The following BIRC6 variants were observed in gnomAD, a reference collection of about 807,000 sequenced individuals.
The protein encoded by BIRC6 is baculoviral IAP repeat containing 6, also known as dual E2 ubiquitin-conjugating enzyme/E3 ubiquitin-protein ligase BIRC6.
In BIRC6, 98 loss-of-function variants were observed where a neutral mutation model predicts 503.3. That is an observed-to-expected ratio of 0.19 (90% CI 0.17 to 0.23). The LOEUF (loss-of-function observed/expected upper bound fraction) is 0.23. Among genes scored for constraint, BIRC6 ranks in the 10% least tolerant of loss-of-function variants. BIRC6 has a pLI of 1.00. For missense variants in BIRC6, 5,360 were observed against 5,806.0 expected (o/e 0.92, Z 2.50); for synonymous variants, 2,240 against 2,078.7 (o/e 1.08, Z -2.11).
chr2:32,415,244 T>C lies in BIRC6; in HGVS notation c.1953T>C (p.Asn651=), dbSNP rs1259916080. 1 of 1,613,954 alleles carries C rather than the reference T, an allele frequency of 6.2e-7. No individual in the cohort carries two copies. The highest frequency in any genetic ancestry group is 8.5e-7 in the Non-Finnish European group (1 of 1,179,846). Residue 651 remains asparagine (N), a synonymous_variant, in exon 10 of 74, where the codon AAT becomes AAC. Coordinates refer to ENST00000421745, the MANE Select transcript of BIRC6 (RefSeq NM_016252.4). ...GAAAGATCTTTTCACAGATGAACAA[T>C]ATTATGAGTAAAAGTTTGCATGATG... The part of the protein sequence containing the change: ...KAGKIFSQMN[N]IMSKSLHDDG...
chr2:32,587,124 T>TA (rs1449507584), intron 66 of BIRC6, among the ~76,000 whole-genome samples: 1 of 152,210 alleles, frequency 6.6e-6, no homozygotes, highest in Non-Finnish European at 1.5e-5. Context: ...CATTGTGGCT[T>TA]ACGCCTGTAA....
chr2:32,599,603 A>C (rs1385920486), intron 69 of BIRC6, 136 bp from the exon 70 acceptor site: 1 of 807,832 alleles, frequency 1.2e-6, no homozygotes, highest in Non-Finnish European at 1.9e-6. Context: ...GCGCCACTGC[A>C]CTCCAGCCTG....
chr2:32,527,184 A>T (rs2056343356), intron 59 of BIRC6: 1 of 152,240 alleles, frequency 6.6e-6, no homozygotes, highest in Non-Finnish European at 1.5e-5. Context: ...GTCCATGGTT[A>T]CTCTGACACA....
intron 61 of BIRC6, among the ~76,000 whole-genome samples, chr2:32,532,443 G>A (rs887920104): frequency 6.6e-6 from 1 of 151,976 alleles, no homozygotes; most frequent in Non-Finnish European, 1.5e-5. Context: ...TTCTGCCTAC[G>A]TCGTCATATG....
chr2:32,477,956 A>G (rs965327833), intron 35 of BIRC6, among the ~76,000 whole-genome samples: 5 of 152,152 alleles, frequency 3.3e-5, no homozygotes, highest in African/African-American at 1.2e-4. Flanking sequence ...AGGGTTTGAA[A>G]TGTAAGTAAT....
chr2:32,507,190 G>C (rs139599617), intron 50 of BIRC6, among the ~76,000 whole-genome samples: 2,502 of 152,272 alleles, frequency 0.016, 53 homozygotes, highest in African/African-American at 0.058. Flanking sequence ...AGCACTTTGG[G>C]AGGCTGCGGC....
At chr2:32,387,384 T>C (rs1323085825) in intron 3 of BIRC6, among the ~76,000 whole-genome samples, 1 of 151,864 alleles carries the variant, frequency 6.6e-6, no homozygotes, top group Non-Finnish European at 1.5e-5. Flanking sequence ...AATAATAATT[T>C]ACTAGGCTGC....
chr2:32,469,586 G>C lies in BIRC6; in HGVS notation c.6319G>C (p.Glu2107Gln). The part of the protein sequence containing the change: ...SNVLQELYNS[E>Q]QLLIFPQDRV... ...TGTCCTTCAGGAATTGTACAATTCG[G>C]AACAGCTTCTCATCTTTCCACAGGA... The change falls in exon 30 of 74, where the codon GAA becomes CAA. Residue 2107 changes from glutamate to glutamine, a missense_variant. This residue lies in a region of BIRC6 where 2,299 missense variants were observed against 2,267.2 expected (regional missense o/e 1.01). Coordinates refer to ENST00000421745, the MANE Select transcript of BIRC6 (RefSeq NM_016252.4). 1 of 1,613,640 alleles carries C rather than the reference G, an allele frequency of 6.2e-7. No individual in the cohort carries two copies. Among genetic ancestry groups the C allele is most frequent in the Non-Finnish European group, 8.5e-7 (1 of 1,179,640 alleles).
intron 62 of BIRC6, 32 bp from the exon 63 acceptor site, chr2:32,545,611 T>G: frequency 1.3e-6 from 2 of 1,558,172 alleles, no homozygotes; most frequent in Non-Finnish European, 1.8e-6. Context: ...TAACTGTTTT[T>G]AATCTTGAGT....
intron 65 of BIRC6, among the ~76,000 whole-genome samples, chr2:32,567,346 G>A (rs2059606332): frequency 1.3e-5 from 2 of 152,158 alleles, no homozygotes; most frequent in East Asian, 3.8e-4. Context: ...TTCCTGGCTT[G>A]TATTTATAAA....
chr2:32,450,435 C>G (rs1047632757), intron 22 of BIRC6, among the ~76,000 whole-genome samples: 1 of 151,928 alleles, frequency 6.6e-6, no homozygotes, highest in East Asian at 1.9e-4. Flanking sequence ...GCACTCCAGC[C>G]CGGGCGAAAG....
At chr2:32,547,328 A>G (rs1236152443) in intron 63 of BIRC6, among the ~76,000 whole-genome samples, 4 of 151,820 alleles carry the variant, frequency 2.6e-5, no homozygotes. Flanking sequence ...GTGTTTATTG[A>G]TTCATTCATT....
chr2:32,407,909 C>T (rs529047979), intron 9 of BIRC6, among the ~76,000 whole-genome samples: 1 of 151,804 alleles, frequency 6.6e-6, no homozygotes, highest in South Asian at 2.1e-4. Context: ...TGCTCTTTTC[C>T]TATTTTGTTC....
intron 1 of BIRC6, among the ~76,000 whole-genome samples, chr2:32,371,819 G>GTTTTTT (rs1272813257): frequency 6.6e-6 from 1 of 151,440 alleles, no homozygotes; most frequent in South Asian, 2.1e-4. Flanking sequence ...GTTTGTTTGT[G>GTTTTTT]TTTTGAGACA....
At chr2:32,421,867 T>C (rs1360323912) in intron 10 of BIRC6, among the ~76,000 whole-genome samples, 1 of 152,260 alleles carries the variant, frequency 6.6e-6, no homozygotes, top group Admixed American at 6.5e-5. Context: ...TTTTTAGTTG[T>C]TGAAGTCTTC....
chr2:32,575,347 A>T lies in BIRC6; in HGVS notation c.13336A>T (p.Thr4446Ser). The T allele has an allele frequency of 6.2e-7, 1 of 1,613,874 alleles. No homozygotes were observed. Among genetic ancestry groups the T allele is most frequent in the Non-Finnish European group, 8.5e-7 (1 of 1,179,804 alleles). Residue 4446 changes from threonine to serine, a missense_variant, in exon 66 of 74, where the codon ACC becomes TCC. Physicochemically the swap from Thr to Ser is moderately conservative, Grantham distance 58. Around this residue, in one of 16 missense-constraint regions of BIRC6, gnomAD observed 477 missense variants for 574.4 expected, o/e 0.83. Coordinates refer to ENST00000421745, the MANE Select transcript of BIRC6 (RefSeq NM_016252.4). ...LLAKMKTCVD[T>S]YTNRLRSKRE... is the part of the protein sequence containing the mutation. ...AGCCAAAATGAAGACCTGTGTTGATACCTATACCAACCGTTTAAGGTACTA... is the reference window on the plus strand; with the variant it reads ...AGCCAAAATGAAGACCTGTGTTGATTCCTATACCAACCGTTTAAGGTACTA...
intron 63 of BIRC6, among the ~76,000 whole-genome samples, chr2:32,547,077 A>G (rs1427171235): frequency 6.6e-6 from 1 of 152,232 alleles, no homozygotes. Context: ...CTTAAGTTTG[A>G]TACAATTCCA....
At chr2:32,469,903 T>C (rs950390603) in intron 30 of BIRC6, among the ~76,000 whole-genome samples, 8 of 152,328 alleles carry the variant, frequency 5.3e-5, no homozygotes, top group Non-Finnish European at 7.4e-5. Context: ...AATGTGTTTG[T>C]TTGTGGCTAA....
chr2:32,539,934 A>T (rs2057529608), intron 61 of BIRC6, among the ~76,000 whole-genome samples: 1 of 152,096 alleles, frequency 6.6e-6, no homozygotes, highest in South Asian at 2.1e-4. Context: ...AAACCACACA[A>T]ATTGGACATC....
Sources: gnomAD v4.1 joint callset for allele counts (sites outside exome capture counted in the v4.1 genomes callset) on GRCh38, gnomAD v4.1.1 for gene constraint, gnomAD v4.1.1 regional missense constraint, MANE v1.5 for transcripts, NCBI Gene and HGNC (gene_info 2026-07-23, HGNC 2026-07-21) for gene names.